SLC22A3: variants seen among roughly 807,000 people sequenced by gnomAD.
SLC22A3 encodes the protein EMT organic cation transporter 3.
In SLC22A3, 51 loss-of-function variants were observed where a neutral mutation model predicts 59.1. The ratio of observed to expected loss-of-function variants is 0.86; its 90% CI spans 0.69 to 1.09. The LOEUF (loss-of-function observed/expected upper bound fraction) is 1.09. Among genes scored for constraint, SLC22A3 ranks in the 50% least tolerant of loss-of-function variants. The pLI is 0.00. For missense variants in SLC22A3, 711 were observed against 726.3 expected, an observed-to-expected ratio of 0.98 and a Z score of 0.24; for synonymous variants, 325 against 292.0, an observed-to-expected ratio of 1.11 and a Z score of -1.15.
chr6:160,446,455 C>T (rs1192401567), intron 9 of SLC22A3, among the ~76,000 whole-genome samples: 1 of 152,206 alleles, frequency 6.6e-6, no homozygotes, highest in African/African-American at 2.4e-5. Flanking sequence ...AACTTACAAT[C>T]ATGGTGGAAG....
chr6:160,451,191 T>C lies in SLC22A3; in HGVS notation c.*135T>C. 3 of 758,886 alleles carry C rather than the reference T, an allele frequency of 4.0e-6. No individual in the cohort carries two copies. Among genetic ancestry groups the C allele is most frequent in the Non-Finnish European group, 6.8e-6 (3 of 442,150 alleles). The allele number at this position is 758,886 out of a possible 1,614,324, so 47.0% of individuals were successfully genotyped here. On this transcript the variant is annotated 3_prime_UTR_variant, in exon 11 of 11. Transcript: ENST00000275300. ...TTGTAATACTGTATAAAGACCTCAA[T>C]CTATCCAGAGTATTTTTATATAATG...
intron 5 of SLC22A3, among the ~76,000 whole-genome samples, chr6:160,421,786 C>T (rs892860073): frequency 4.1e-4 from 63 of 152,076 alleles, no homozygotes; most frequent in African/African-American, 1.3e-3. Context: ...CCGTTTCAAG[C>T]GTCTGCTGGG....
chr6:160,366,570 C>T (rs1352319322), intron 1 of SLC22A3, among the ~76,000 whole-genome samples: 2 of 152,226 alleles, frequency 1.3e-5, no homozygotes, highest in African/African-American at 4.8e-5. Context: ...ACAGCTCCAC[C>T]AGGAAGTACC....
intron 1 of SLC22A3, among the ~76,000 whole-genome samples, chr6:160,383,650 T>A (rs1785880837): frequency 6.6e-6 from 1 of 152,046 alleles, no homozygotes; most frequent in Non-Finnish European, 1.5e-5. Flanking sequence ...GAAAACAAAC[T>A]CACCAATCAC....
chr6:160,411,215 C>G (rs182423284), intron 5 of SLC22A3, among the ~76,000 whole-genome samples: 21 of 152,308 alleles, frequency 1.4e-4, no homozygotes, highest in African/African-American at 5.1e-4. Context: ...AATATTGAAT[C>G]ATTCATCTTG....
intron 1 of SLC22A3, among the ~76,000 whole-genome samples, chr6:160,366,381 T>G (rs1001915231): frequency 2.6e-5 from 4 of 152,196 alleles, no homozygotes; most frequent in South Asian, 4.1e-4. Context: ...CAGGTTACAC[T>G]GATGCAAGAG....
intron 7 of SLC22A3, among the ~76,000 whole-genome samples, chr6:160,441,578 G>A (rs1196573315): frequency 1.3e-5 from 2 of 151,182 alleles, no homozygotes; most frequent in Admixed American, 6.6e-5. Flanking sequence ...CTGTGCTCCT[G>A]GGCAATTGTT....
intron 1 of SLC22A3, among the ~76,000 whole-genome samples, chr6:160,374,000 TTTCCAGGGGAGA>T (rs909217119): frequency 6.6e-6 from 1 of 152,194 alleles, no homozygotes; most frequent in Non-Finnish European, 1.5e-5. Flanking sequence ...TTCAGCCCCC[TTTCCAGGGGAGA>T]GAACAGTTCT....
chr6:160,375,608 CAA>C (rs1194563394), intron 1 of SLC22A3, among the ~76,000 whole-genome samples: 1 of 152,044 alleles, frequency 6.6e-6, no homozygotes, highest in Non-Finnish European at 1.5e-5. Context: ...ATTCAATTGG[CAA>C]AAATATGATG....
intron 2 of SLC22A3, among the ~76,000 whole-genome samples, 182 bp from the exon 3 acceptor site, chr6:160,406,859 T>C (rs555366081): frequency 1.3e-5 from 2 of 152,318 alleles, no homozygotes; most frequent in South Asian, 2.1e-4. Flanking sequence ...TTCTGTACTT[T>C]AAATTTTGTA....
intron 1 of SLC22A3, chr6:160,349,162 A>T: frequency 6.6e-6 from 5 of 758,626 alleles, no homozygotes; most frequent in Non-Finnish European, 8.0e-6. Context: ...TCAAAGACCC[A>T]GCACCGCGTT....
At chr6:160,423,562 G>T (rs1326631002) in intron 5 of SLC22A3, among the ~76,000 whole-genome samples, 1 of 152,158 alleles carries the variant, frequency 6.6e-6, no homozygotes. Context: ...TTATGGTTTT[G>T]ATTTTCTCTG....
chr6:160,428,298 G>A (rs563641255), intron 5 of SLC22A3, among the ~76,000 whole-genome samples: 1 of 152,188 alleles, frequency 6.6e-6, no homozygotes, highest in East Asian at 1.9e-4. Context: ...TGGGGGACTG[G>A]GGCACTCTTT....
rs886777678 is a variant in SLC22A3 at position 160,452,020 on chromosome 6, C to A, written c.*964C>A. 6.6e-6 allele frequency: 1 copy of A among 152,178 alleles called. No individual in the cohort carries two copies. Among genetic ancestry groups the A allele is most frequent in the Non-Finnish European group, 1.5e-5 (1 of 68,038 alleles). 9.4% of individuals were successfully genotyped at this position (152,178 alleles called of 1,614,324 possible). A position where few individuals can be genotyped will look rare whatever the true frequency, so the allele number is the denominator to read the frequency against. On this transcript the variant is annotated 3_prime_UTR_variant, in exon 11 of 11. Coordinates refer to ENST00000275300, the MANE Select transcript of SLC22A3 (RefSeq NM_021977.4). ...TTGACATGTCTTGGGGAAAAGCTTACATTTTAATTTAAAAGAAAGATCAAT... is the reference window on the plus strand; with the variant it reads ...TTGACATGTCTTGGGGAAAAGCTTAAATTTTAATTTAAAAGAAAGATCAAT...
At chr6:160,386,839 G>A (rs1786040096) in intron 1 of SLC22A3, among the ~76,000 whole-genome samples, 1 of 152,220 alleles carries the variant, frequency 6.6e-6, no homozygotes, top group African/African-American at 2.4e-5. Flanking sequence ...TGGAGAGGAT[G>A]GAGAGAGTAA....
At chr6:160,395,500 T>C (rs1786435700) in intron 1 of SLC22A3, among the ~76,000 whole-genome samples, 1 of 152,254 alleles carries the variant, frequency 6.6e-6, no homozygotes, top group South Asian at 2.1e-4. Context: ...GGTAGTTTGA[T>C]TTCGCTGTTT....
intron 1 of SLC22A3, among the ~76,000 whole-genome samples, chr6:160,362,974 G>A (rs1785070599): frequency 6.6e-6 from 1 of 152,216 alleles, no homozygotes; most frequent in Non-Finnish European, 1.5e-5. Context: ...GGCCGACAGA[G>A]TTGTCTCTAA....
chr6:160,426,418 C>T, intron 5 of SLC22A3: 2 of 914,264 alleles, frequency 2.2e-6, no homozygotes, highest in Non-Finnish European at 2.6e-6. Context: ...CAACACTCGT[C>T]TCATGTCCTA....
intron 10 of SLC22A3, among the ~76,000 whole-genome samples, chr6:160,449,969 G>A (rs1170711467): frequency 6.6e-6 from 1 of 152,088 alleles, no homozygotes; most frequent in Non-Finnish European, 1.5e-5. Flanking sequence ...CAAGGCAAAG[G>A]GCAAAAACAA....
Sources: allele counts gnomAD v4.1 joint callset (sites outside exome capture counted in the v4.1 genomes callset), GRCh38; gene constraint gnomAD v4.1.1; transcripts MANE v1.5; gene names NCBI Gene and HGNC (gene_info 2026-07-23, HGNC 2026-07-21).